Variants in C12orf42 observed in about 807,000 individuals in gnomAD.
The protein encoded by C12orf42 is uncharacterized protein C12orf42.
Under a neutral mutation model 21.6 loss-of-function variants are expected in C12orf42, and 25 were observed. The observed-to-expected ratio is 1.16, with a 90% CI of 0.84 to 1.62. C12orf42 has a LOEUF of 1.62. Ranked by LOEUF, C12orf42 falls within the 40% of genes most tolerant of loss-of-function variation. C12orf42 has a pLI of 0.00. For synonymous variants in C12orf42, 174 were observed against 175.0 expected, an observed-to-expected ratio of 0.99 and a Z score of 0.05; for missense variants, 483 against 459.3, an observed-to-expected ratio of 1.05 and a Z score of -0.47.
At chr12:103,522,417 T>C in the C12orf42 span, among the ~76,000 whole-genome samples, 1 of 152,190 alleles carries the variant, frequency 6.6e-6, no homozygotes, top group Non-Finnish European at 1.5e-5. Context: ...CTGGGCTTTT[T>C]GTCCCGGCCC....
the C12orf42 span, among the ~76,000 whole-genome samples, chr12:103,189,341 T>C: frequency 6.6e-6 from 1 of 152,212 alleles, no homozygotes; most frequent in African/African-American, 2.4e-5. Flanking sequence ...ATTTCTCTCA[T>C]GGGCTTTCAT....
At chr12:103,515,549 C>A in the C12orf42 span, among the ~76,000 whole-genome samples, 48 of 152,204 alleles carry the variant, frequency 3.2e-4, no homozygotes, top group Non-Finnish European at 6.8e-4. Flanking sequence ...CATTCCAGCA[C>A]ATTGGAGTTG....
the C12orf42 span, among the ~76,000 whole-genome samples, chr12:103,181,505 G>A: frequency 6.6e-6 from 1 of 152,230 alleles, no homozygotes; most frequent in Non-Finnish European, 1.5e-5. Flanking sequence ...GAAAGACAGA[G>A]GTGGAGGTAG....
At chr12:103,063,490 T>A in the C12orf42 span, among the ~76,000 whole-genome samples, 2 of 152,248 alleles carry the variant, frequency 1.3e-5, no homozygotes, top group South Asian at 4.2e-4. Context: ...CTGATGAAAC[T>A]TTTTTGCTGG....
rs146354289 is a variant in C12orf42, at chr12:103,388,522, T to C, written c.147+13085A>G. Among the ~76,000 whole-genome samples the C allele has an allele frequency of 4.1e-3, 624 of 152,292 alleles. 7 individuals are homozygous for C. Among genetic ancestry groups the C allele is most frequent in the African/African-American group, 0.014 (585 of 41,566 alleles). On this transcript the variant is annotated intron_variant, in intron 3 of 5. Coordinates refer to ENST00000548883, the MANE Select transcript of C12orf42 (RefSeq NM_198521.5). Reference sequence around the variant, plus strand: ...TCTCTCCTTGAAAATGGGATTCTACTGCATTTGTATTTGCAAAATGTTTAT... The same window carrying C: ...TCTCTCCTTGAAAATGGGATTCTACCGCATTTGTATTTGCAAAATGTTTAT...
intron 4 of C12orf42, among the ~76,000 whole-genome samples, chr12:103,344,105 G>A (rs1490268049): frequency 6.6e-6 from 1 of 152,180 alleles, no homozygotes; most frequent in Non-Finnish European, 1.5e-5. Context: ...TAGAAAAAGG[G>A]TGGAGGCCCT....
the C12orf42 span, among the ~76,000 whole-genome samples, chr12:103,147,485 C>CTTTTTTCTT: frequency 8.8e-6 from 1 of 113,878 alleles, no homozygotes; most frequent in African/African-American, 3.4e-5. Context: ...TTTAATTTTT[C>CTTTTTTCTT]TTTTTTTCTT....
chr12:103,225,417 G>A, the C12orf42 span, among the ~76,000 whole-genome samples: 127 of 152,258 alleles, frequency 8.3e-4, no homozygotes, highest in African/African-American at 2.8e-3. Context: ...GTTGCGGGAC[G>A]GGATATTGGC....
chr12:103,543,933 G>A, the C12orf42 span, among the ~76,000 whole-genome samples: 4 of 147,742 alleles, frequency 2.7e-5, no homozygotes, highest in South Asian at 2.2e-4. Context: ...TTGCTCTGTC[G>A]CCCAGGCTGG....
At chr12:103,189,383 A>G in the C12orf42 span, among the ~76,000 whole-genome samples, 11 of 152,226 alleles carry the variant, frequency 7.2e-5, no homozygotes, top group African/African-American at 2.7e-4. Context: ...TGTCAGCAGG[A>G]TAGAGATTCT....
At chr12:103,162,928 T>G in the C12orf42 span, 9 of 152,318 alleles carry the variant, frequency 5.9e-5, no homozygotes, top group African/African-American at 2.2e-4. Flanking sequence ...GGCGCTTCTC[T>G]CAGCATCCCA....
At chr12:103,381,335 G>C (rs1254968377) in intron 3 of C12orf42, among the ~76,000 whole-genome samples, 4 of 152,196 alleles carry the variant, frequency 2.6e-5, no homozygotes, top group African/African-American at 9.7e-5. Flanking sequence ...TAATGCAATT[G>C]TCAAAGGATG....
At chr12:103,323,922 T>G (rs981520690) in intron 4 of C12orf42, among the ~76,000 whole-genome samples, 2 of 152,228 alleles carry the variant, frequency 1.3e-5, no homozygotes, top group East Asian at 3.8e-4. Context: ...AAATTTTATC[T>G]TATTTTCTAC....
chr12:103,332,674 T>G (rs1275495187), intron 4 of C12orf42, among the ~76,000 whole-genome samples: 1 of 152,244 alleles, frequency 6.6e-6, no homozygotes, highest in East Asian at 1.9e-4. Context: ...CCAGGCTACG[T>G]ACTGGGTAGA....
the C12orf42 span, chr12:103,505,967 T>G: frequency 6.0e-6 from 1 of 167,858 alleles, no homozygotes; most frequent in South Asian, 1.5e-4. Flanking sequence ...CCCATTGAGT[T>G]TGCTCAGGCG....
the C12orf42 span, among the ~76,000 whole-genome samples, chr12:103,140,581 A>T: frequency 6.6e-6 from 1 of 152,194 alleles, no homozygotes; most frequent in Non-Finnish European, 1.5e-5. Context: ...CAATCTCAAA[A>T]ATCTAAGGAA....
the C12orf42 span, among the ~76,000 whole-genome samples, chr12:103,555,332 G>A: frequency 1.3e-5 from 2 of 152,122 alleles, no homozygotes; most frequent in Non-Finnish European, 2.9e-5. Flanking sequence ...CTTGTGCAGG[G>A]GAACTCCTCT....
the C12orf42 span, among the ~76,000 whole-genome samples, chr12:103,101,638 C>A: frequency 6.6e-6 from 1 of 152,182 alleles, no homozygotes. Flanking sequence ...ACTGAACATA[C>A]CTAAATGGAT....
At chr12:103,245,866 C>T (rs2033984320) in intron 10 of C12orf42, among the ~76,000 whole-genome samples, 1 of 151,958 alleles carries the variant, frequency 6.6e-6, no homozygotes, top group Admixed American at 6.6e-5. Context: ...CAAACCAAGC[C>T]CATTAAGATA....
Sources: gnomAD v4.1 joint callset for allele counts (sites outside exome capture counted in the v4.1 genomes callset) on GRCh38, gnomAD v4.1.1 for gene constraint, MANE v1.5 for transcripts, NCBI Gene and HGNC (gene_info 2026-07-23, HGNC 2026-07-21) for gene names.